KDM3B: variants seen among roughly 807,000 people sequenced by gnomAD.
KDM3B encodes lysine demethylase 3B.
KDM3B carries 10 observed loss-of-function variants against 170.0 expected under a neutral mutation model. That is an observed-to-expected ratio of 0.06 (90% CI 0.04 to 0.10). The LOEUF (loss-of-function observed/expected upper bound fraction) is 0.10, where lower values mean the gene tolerates loss of function less well. Among genes scored for constraint, KDM3B ranks in the 10% least tolerant of loss-of-function variants. The pLI is 1.00. For synonymous variants in KDM3B, 831 were observed against 834.8 expected (o/e 1.00, Z 0.08); for missense variants, 1,394 against 2,195.2 (o/e 0.64, Z 7.29).
chr5:138,396,867 A>T lies in KDM3B; in HGVS notation c.2832-1311A>T, dbSNP rs183265597. 3.3e-5 allele frequency among the ~76,000 whole-genome samples: 5 copies of T among 152,304 alleles called. No individual in the cohort carries two copies. The East Asian group carries it at 9.6e-4, about 29-fold the overall frequency. ...GACTGTCAGGCAATATTAAGGACTC[A>T]CTTGATGTAGGTAGACATGAATTTA... is the stretch of plus-strand genomic sequence containing the variant. On this transcript the variant is annotated intron_variant, in intron 9 of 23. Transcript: ENST00000314358.
Position 138,391,590 on chromosome 5 carries a change from C to T in KDM3B, c.1958C>T (p.Ala653Val), listed in dbSNP as rs1247261015. 2 of 1,614,132 alleles carry T rather than the reference C, an allele frequency of 1.2e-6. No homozygotes were observed. The highest frequency in any genetic ancestry group is 1.1e-5 in the South Asian group (1 of 91,088). ...KVEHSPFSSF[A>V]SQASGSSSSA... is the part of the protein sequence containing the mutation. ...GAACACAGCCCTTTCAGTAGTTTTGCATCTCAGGCATCAGGTAGCTCCTCT... is the reference window on the plus strand; with the variant it reads ...GAACACAGCCCTTTCAGTAGTTTTGTATCTCAGGCATCAGGTAGCTCCTCT... Residue 653 changes from alanine (A) to valine (V), a missense_variant, in exon 8 of 24, where the codon GCA (alanine) becomes GTA (valine). Ala to Val is a moderately conservative substitution (Grantham distance 64, BLOSUM62 0). This residue lies in a region of KDM3B where 294 missense variants were observed against 311.7 expected (regional missense o/e 0.94). Coordinates refer to ENST00000314358, the MANE Select transcript of KDM3B (RefSeq NM_016604.4). The surrounding 1 kb of genome is among the most constrained non-coding windows in gnomAD (Gnocchi z 5.0).
At position 138,386,207 on chromosome 5, in the gene KDM3B, G is replaced by T. The variant is rs752388781; in HGVS notation, c.966G>T (p.Gly322=). The change falls in exon 7 of 24, where the codon GGG becomes GGT. Residue 322 remains glycine (G), a synonymous_variant. Transcript: ENST00000314358. ...GCGATGGAGGTGAGGCAAGCCGAGG[G>T]CCCTGGAAAGGAGGGAATGCCAGTG... ...NGSDGGEASR[G]PWKGGNASGE... 3.7e-6 allele frequency: 6 copies of T among 1,614,050 alleles called. No individual in the cohort carries two copies. The East Asian group carries it at 1.1e-4, about 30-fold the overall frequency.
intron 4 of KDM3B, among the ~76,000 whole-genome samples, chr5:138,378,869 G>A (rs1762061845): frequency 1.3e-5 from 2 of 151,204 alleles, no homozygotes; most frequent in South Asian, 4.2e-4. Context: ...TTTTAGCTCT[G>A]ATAGAGAATA....
rs559083366 is a variant in KDM3B, at chr5:138,377,728, A to G, written c.483A>G (p.Thr161=). Residue 161 remains threonine (T), a synonymous_variant, in exon 4 of 24, where the codon ACA becomes ACG. Transcript: ENST00000314358. The part of the protein sequence containing the change: ...ANGLHLFQMG[T]DSQNQILLEH... ...TCTTTTATCTTTACCAGATGGGAAC[A>G]GATAGCCAAAACCAGATTCTTTTGG... 6.8e-6 allele frequency: 11 copies of G among 1,612,336 alleles called. No homozygotes were observed. The highest frequency in any genetic ancestry group is 3.3e-5 in the Admixed American group (2 of 59,996).
chr5:138,412,757 G>A (rs1036319928), intron 11 of KDM3B, among the ~76,000 whole-genome samples: 9 of 152,132 alleles, frequency 5.9e-5, no homozygotes, highest in African/African-American at 2.2e-4. Flanking sequence ...TCCAGCAGGA[G>A]GTTGACACCA....
At chr5:138,404,803 A>T (rs551512957) in intron 11 of KDM3B, among the ~76,000 whole-genome samples, 22 of 151,998 alleles carry the variant, frequency 1.4e-4, no homozygotes, top group Admixed American at 1.4e-3. Flanking sequence ...TGCTCACTAC[A>T]ACCTCATCTT....
Position 138,431,410 on chromosome 5 carries a change from C to A in KDM3B, c.5071-15C>A. 6.3e-7 allele frequency: 1 copy of A among 1,580,140 alleles called. No homozygotes were observed. The highest frequency in any genetic ancestry group is 8.6e-7 in the Non-Finnish European group (1 of 1,160,910). Reference sequence around the variant, plus strand: ...TAATGTCTGATATTTCTCCTCTGCACTTTGCCCTTCTCAGGTTCACAATCT... The same window carrying A: ...TAATGTCTGATATTTCTCCTCTGCAATTTGCCCTTCTCAGGTTCACAATCT... On this transcript the variant is annotated splice_polypyrimidine_tract_variant and intron_variant, in intron 22 of 23. Coordinates refer to ENST00000314358, the MANE Select transcript of KDM3B (RefSeq NM_016604.4).
chr5:138,358,581 C>A (rs865995614), intron 1 of KDM3B, among the ~76,000 whole-genome samples: 278 of 149,836 alleles, frequency 1.9e-3, no homozygotes, highest in African/African-American at 5.8e-3. Context: ...GCTGGGATTA[C>A]AGTCATGAGC....
intron 11 of KDM3B, among the ~76,000 whole-genome samples, chr5:138,414,397 C>T (rs1033030794): frequency 1.6e-4 from 25 of 152,164 alleles, no homozygotes; most frequent in Non-Finnish European, 5.9e-5. Context: ...GATCTCCTGA[C>T]GTCATGATCC....
chr5:138,407,994 A>G (rs1326547838), intron 11 of KDM3B, among the ~76,000 whole-genome samples: 1 of 152,222 alleles, frequency 6.6e-6, no homozygotes, highest in Non-Finnish European at 1.5e-5. Flanking sequence ...TTTCTAACAA[A>G]GAGCAGCCTG....
Position 138,391,823 on chromosome 5 carries a change from A to T in KDM3B, c.2191A>T (p.Ser731Cys). The change falls in exon 8 of 24, where the codon AGC becomes TGC. Residue 731 changes from serine (S) to cysteine (C), a missense_variant. Ser to Cys is a moderately radical substitution (Grantham distance 112, BLOSUM62 -1). Coordinates refer to ENST00000314358, the MANE Select transcript of KDM3B (RefSeq NM_016604.4). The surrounding 1 kb of genome is among the most constrained non-coding windows in gnomAD (Gnocchi z 5.0). ...TGGCCGCTCCAGCTCGCCCACCAGC[A>T]GCCTCACTCAGCCCATTGAGATGCC... is the stretch of plus-strand genomic sequence containing the variant. Reference protein sequence around the residue: ...GNGRSSSPTSSLTQPIEMPTL... With the variant: ...GNGRSSSPTSCLTQPIEMPTL... 6.2e-7 allele frequency: 1 copy of T among 1,614,104 alleles called. No homozygotes were observed. The highest frequency in any genetic ancestry group is 1.1e-5 in the South Asian group (1 of 91,072).
chr5:138,421,000 C>T, intron 15 of KDM3B, 38 bp downstream of exon 15: 1 of 1,608,458 alleles, frequency 6.2e-7, no homozygotes, highest in South Asian at 1.1e-5. Flanking sequence ...TTCAGCTTTT[C>T]CATGAAAGAA....
At chr5:138,406,824 G>A (rs1762833836) in intron 11 of KDM3B, among the ~76,000 whole-genome samples, 1 of 152,030 alleles carries the variant, frequency 6.6e-6, no homozygotes, top group Admixed American at 6.6e-5. Context: ...AGAATCTTAG[G>A]TGGGAGGATC....
chr5:138,392,409 T>A, intron 8 of KDM3B, 148 bp downstream of exon 8: 1 of 783,898 alleles, frequency 1.3e-6, no homozygotes, highest in Non-Finnish European at 1.8e-6. Context: ...CAGAGGCCCC[T>A]CGTCAGGCCT....
Position 138,391,336 on chromosome 5 carries a change from G to T in KDM3B, c.1704G>T (p.Leu568=). Residue 568 remains leucine (L), a synonymous_variant, in exon 8 of 24, where the codon CTG becomes CTT. Coordinates refer to ENST00000314358, the MANE Select transcript of KDM3B (RefSeq NM_016604.4). This position sits in a 1 kb window ranked among gnomAD's most constrained non-coding sequence, Gnocchi z 5.0. ...GCCTTGAGAGCCTGAGCTCAGGCCT[G>T]TGTAAAGGCAGATCCGTTCTTGGAA... ...KQSLESLSSG[L]CKGRSVLGTD... The T allele has an allele frequency of 6.2e-7, 1 of 1,614,204 alleles. No homozygotes were observed. Among genetic ancestry groups the T allele is most frequent in the South Asian group, 1.1e-5 (1 of 91,088 alleles).
intron 22 of KDM3B, among the ~76,000 whole-genome samples, chr5:138,431,050 T>C (rs1763519060): frequency 6.6e-6 from 1 of 152,232 alleles, no homozygotes; most frequent in South Asian, 2.1e-4. Context: ...TGGTGTATAT[T>C]TTTCCAGAAC....
chr5:138,434,666 A>G (rs1763629225), intron 23 of KDM3B, among the ~76,000 whole-genome samples: 1 of 152,180 alleles, frequency 6.6e-6, no homozygotes, highest in East Asian at 1.9e-4. Flanking sequence ...ACCATCTGAG[A>G]TATAGCTATA....
At position 138,391,112 on chromosome 5, in the gene KDM3B, G is replaced by A. The variant is rs1762414929; in HGVS notation, c.1480G>A (p.Gly494Ser). ...TFGSGRSQSN[G>S]VLATENKPLG... ...TGGAAGTGGAAGGAGCCAGTCCAAT[G>A]GTGTTCTAGCCACAGAGAACAAACC... The change falls in exon 8 of 24, where the codon GGT (glycine) becomes AGT (serine). Residue 494 changes from glycine (G) to serine (S), a missense_variant. This residue lies in a region of KDM3B where 10 missense variants were observed against 29.3 expected (regional missense o/e 0.34). Coordinates refer to ENST00000314358, the MANE Select transcript of KDM3B (RefSeq NM_016604.4). This position sits in a 1 kb window ranked among gnomAD's most constrained non-coding sequence, Gnocchi z 5.0. The A allele has an allele frequency of 6.2e-7, 1 of 1,613,972 alleles. No individual in the cohort carries two copies. The highest frequency in any genetic ancestry group is 1.3e-5 in the African/African-American group (1 of 74,930).
At chr5:138,407,525 A>C (rs952426337) in intron 11 of KDM3B, among the ~76,000 whole-genome samples, 11 of 151,974 alleles carry the variant, frequency 7.2e-5, no homozygotes, top group African/African-American at 2.7e-4. Flanking sequence ...CCGTGTCCAA[A>C]ATTTTCCTGG....
Sources: allele counts gnomAD v4.1 joint callset (sites outside exome capture counted in the v4.1 genomes callset), GRCh38; gene constraint gnomAD v4.1.1; regional missense constraint gnomAD v4.1.1; non-coding constraint Gnocchi (gnomAD v3.1); transcripts MANE v1.5; gene names NCBI Gene and HGNC (gene_info 2026-07-23, HGNC 2026-07-21).